Variants in CPQ observed in about 807,000 individuals in gnomAD.
The protein encoded by CPQ is Ser-Met dipeptidase.
CPQ carries 37 observed loss-of-function variants against 45.7 expected under a neutral mutation model. The observed-to-expected ratio is 0.81, with a 90% CI of 0.62 to 1.07. CPQ has a LOEUF of 1.07. Ranked by LOEUF, CPQ falls within the 50% of genes least tolerant of loss-of-function variation. CPQ has a pLI of 0.00. For synonymous variants in CPQ, 186 were observed against 205.8 expected, an observed-to-expected ratio of 0.90 and a Z score of 0.82; for missense variants, 537 against 572.9, an observed-to-expected ratio of 0.94 and a Z score of 0.64.
rs757321033 is a variant in CPQ at position 96,835,010 on chromosome 8, T to C, written c.471T>C (p.Asp157=). Residue 157 remains aspartate (D), a synonymous_variant, in exon 3 of 8, where the codon GAT becomes GAC. Coordinates refer to ENST00000220763, the MANE Select transcript of CPQ (RefSeq NM_016134.4). The part of the protein sequence containing the change: ...TAEVLVVTSF[D]ELQRRASEAR... Reference sequence around the variant, plus strand: ...AAGTTCTGGTGGTGACCTCTTTCGATGAACTGCAGAGAAGGGCCTCAGAAG... The same window carrying C: ...AAGTTCTGGTGGTGACCTCTTTCGACGAACTGCAGAGAAGGGCCTCAGAAG... The C allele has an allele frequency of 6.2e-7, 1 of 1,613,546 alleles. No homozygotes were observed. Among genetic ancestry groups the C allele is most frequent in the Non-Finnish European group, 8.5e-7 (1 of 1,179,742 alleles).
intron 1 of CPQ, among the ~76,000 whole-genome samples, chr8:96,708,758 G>A (rs537458794): frequency 3.9e-5 from 6 of 152,110 alleles, no homozygotes; most frequent in East Asian, 3.9e-4. Context: ...AGAGTAGCAC[G>A]TTGGTTTCTG....
chr8:96,783,250 T>G (rs1810714194), intron 1 of CPQ, among the ~76,000 whole-genome samples: 1 of 151,186 alleles, frequency 6.6e-6, no homozygotes, highest in Non-Finnish European at 1.5e-5. Context: ...ATTTTTGTCT[T>G]AGTTGTGTGA....
chr8:97,126,718 TAAATA>T (rs954680512), intron 7 of CPQ, among the ~76,000 whole-genome samples: 25 of 152,264 alleles, frequency 1.6e-4, no homozygotes, highest in African/African-American at 5.5e-4. Context: ...TAAGCAGACT[TAAATA>T]AATGAAAGAA....
At chr8:96,647,805 A>G (rs567055670) in intron 1 of CPQ, among the ~76,000 whole-genome samples, 6 of 152,354 alleles carry the variant, frequency 3.9e-5, no homozygotes, top group African/African-American at 1.2e-4. Flanking sequence ...CTAGGTGCCC[A>G]TGCATCTTAA....
rs1176011662 is a variant in CPQ at position 97,043,058 on chromosome 8, G to A, written c.1053+13564G>A. On this transcript the variant is annotated intron_variant, in intron 6 of 7. Transcript: ENST00000220763. ...GGTATCCTTGTTAACTTTCTGTCTC[G>A]TTGATCTGTCTAATGTTGACAGTGG... Among the ~76,000 whole-genome samples the A allele has an allele frequency of 3.2e-4, 48 of 151,532 alleles. 1 individual carries two copies. Among genetic ancestry groups the A allele is most frequent in the African/African-American group, 4.8e-4 (20 of 41,368 alleles).
chr8:96,972,951 C>A (rs1813704885), intron 5 of CPQ, among the ~76,000 whole-genome samples: 1 of 152,114 alleles, frequency 6.6e-6, no homozygotes, highest in South Asian at 2.1e-4. Context: ...AGAAAAACAT[C>A]TGGGTAATAT....
chr8:97,070,101 C>T (rs1810714606), intron 7 of CPQ, among the ~76,000 whole-genome samples: 1 of 152,170 alleles, frequency 6.6e-6, no homozygotes, highest in Non-Finnish European at 1.5e-5. Flanking sequence ...GTACTTTCCG[C>T]ATAAACTCTT....
chr8:96,756,919 G>A (rs1810333765), intron 1 of CPQ, among the ~76,000 whole-genome samples: 1 of 151,996 alleles, frequency 6.6e-6, no homozygotes, highest in Non-Finnish European at 1.5e-5. Context: ...TCCCCTTCAG[G>A]ACATTTATTC....
intron 1 of CPQ, among the ~76,000 whole-genome samples, chr8:96,769,661 T>TG (rs1353545316): frequency 6.8e-6 from 1 of 148,062 alleles, no homozygotes; most frequent in African/African-American, 2.5e-5. Context: ...AGACAGGGTC[T>TG]GGCTCTGTTG....
intron 7 of CPQ, chr8:97,092,967 A>T (rs1811150189): frequency 6.6e-6 from 1 of 152,212 alleles, no homozygotes; most frequent in South Asian, 2.1e-4. Context: ...AAGCAATTCA[A>T]CAAACTAAAA....
intron 1 of CPQ, among the ~76,000 whole-genome samples, chr8:96,777,214 A>G (rs1403861305): frequency 6.6e-6 from 1 of 152,134 alleles, no homozygotes. Flanking sequence ...TATGTGGCCT[A>G]TGGAGAAAAT....
intron 1 of CPQ, among the ~76,000 whole-genome samples, chr8:96,757,307 C>T (rs561628286): frequency 6.6e-5 from 10 of 150,974 alleles, no homozygotes; most frequent in Admixed American, 1.3e-4. Context: ...GCCGAGATCA[C>T]GCCACTGTAC....
chr8:96,841,734 G>A (rs899178467), intron 3 of CPQ, among the ~76,000 whole-genome samples: 1 of 152,160 alleles, frequency 6.6e-6, no homozygotes, highest in African/African-American at 2.4e-5. Flanking sequence ...AAGAGGAGGA[G>A]GAAGAGGAGC....
chr8:96,899,218 T>A (rs193048921), intron 4 of CPQ, among the ~76,000 whole-genome samples: 45 of 152,276 alleles, frequency 3.0e-4, no homozygotes, highest in Admixed American at 1.9e-3. Flanking sequence ...CCTGTATCTT[T>A]GGTATTTAAT....
chr8:97,112,592 G>A (rs969550565), intron 7 of CPQ, among the ~76,000 whole-genome samples: 5 of 152,188 alleles, frequency 3.3e-5, no homozygotes, highest in Admixed American at 1.3e-4. Flanking sequence ...TTTCTTGTAC[G>A]TTCTAAGAAA....
At chr8:97,075,663 G>T (rs1168464756) in intron 7 of CPQ, among the ~76,000 whole-genome samples, 1 of 152,148 alleles carries the variant, frequency 6.6e-6, no homozygotes, top group South Asian at 2.1e-4. Flanking sequence ...TTTTCTCCTT[G>T]TCAGCCATGT....
chr8:96,698,829 A>G (rs1347183137), intron 1 of CPQ, among the ~76,000 whole-genome samples: 1 of 152,196 alleles, frequency 6.6e-6, no homozygotes, highest in Non-Finnish European at 1.5e-5. Flanking sequence ...GACAGGCAAT[A>G]ACAAATGCTG....
intron 2 of CPQ, among the ~76,000 whole-genome samples, chr8:96,827,084 T>G (rs1448010374): frequency 6.6e-6 from 1 of 152,060 alleles, no homozygotes; most frequent in African/African-American, 2.4e-5. Flanking sequence ...TCATGCGTAT[T>G]CATATTCCAT....
intron 1 of CPQ, among the ~76,000 whole-genome samples, chr8:96,684,954 A>C (rs1417567507): frequency 6.6e-6 from 1 of 151,926 alleles, no homozygotes; most frequent in Non-Finnish European, 1.5e-5. Context: ...AAATACAAAA[A>C]TTAGCCAGGC....
Sources: gnomAD v4.1 joint callset for allele counts (sites outside exome capture counted in the v4.1 genomes callset) on GRCh38, gnomAD v4.1.1 for gene constraint, MANE v1.5 for transcripts, NCBI Gene and HGNC (gene_info 2026-07-23, HGNC 2026-07-21) for gene names.